The following ARHGAP32 variants were observed in gnomAD, a reference collection of about 807,000 sequenced individuals.
ARHGAP32 encodes rho GTPase-activating protein 32.
ARHGAP32 carries 51 observed loss-of-function variants against 186.5 expected under a neutral mutation model. That is an observed-to-expected ratio of 0.27 (90% CI 0.22 to 0.35). The LOEUF is 0.35. ARHGAP32 is among the 10% of genes least tolerant of loss of function. The probability of loss-of-function intolerance (pLI) is 1.00; values close to 1 mark genes in which losing one functional copy is unlikely to be tolerated. For synonymous variants in ARHGAP32, 950 were observed against 964.3 expected, an observed-to-expected ratio of 0.99 and a Z score of 0.27; for missense variants, 2,186 against 2,623.5, an observed-to-expected ratio of 0.83 and a Z score of 3.64.
At chr11:129,137,229 T>TA (rs952106895) in intron 2 of ARHGAP32, among the ~76,000 whole-genome samples, 1 of 151,380 alleles carries the variant, frequency 6.6e-6, no homozygotes, top group African/African-American at 2.4e-5. Flanking sequence ...TTCTTACACT[T>TA]AAAAAAAATG....
At position 129,221,747 on chromosome 11, in the gene ARHGAP32, G is replaced by A. The variant is rs147732124; in HGVS notation, c.-4-57320C>T. Among the ~76,000 whole-genome samples the A allele has an allele frequency of 2.8e-3, 430 of 152,066 alleles. 1 individual carries two copies. The highest frequency in any genetic ancestry group is 0.014 in the Admixed American group (210 of 15,256). On this transcript the variant is annotated intron_variant, in intron 1 of 6. Coordinates refer to the ARHGAP32 transcript ENST00000525234. ...ATAGTGGGCAAGGGCAGGAGGTCCAGGCTGCTGTGGGCTATGATCACACCC... is the reference window on the plus strand; with the variant it reads ...ATAGTGGGCAAGGGCAGGAGGTCCAAGCTGCTGTGGGCTATGATCACACCC...
intron 11 of ARHGAP32, among the ~76,000 whole-genome samples, chr11:129,039,861 C>T (rs755797485): frequency 6.6e-6 from 1 of 152,110 alleles, no homozygotes; most frequent in South Asian, 2.1e-4. Flanking sequence ...GATAAAATTG[C>T]TTCAAAAAGA....
intron 1 of ARHGAP32, among the ~76,000 whole-genome samples, chr11:129,188,653 G>T (rs909376050): frequency 2.0e-5 from 3 of 152,156 alleles, no homozygotes; most frequent in African/African-American, 7.2e-5. Flanking sequence ...AGTGCATGAA[G>T]TATCATTAGT....
At position 129,163,247 on chromosome 11, in the gene ARHGAP32, A is replaced by G. The variant is rs529866865; in HGVS notation, c.225+1072T>C. Among the ~76,000 whole-genome samples the G allele has an allele frequency of 7.2e-5, 11 of 152,324 alleles. No individual in the cohort carries two copies. In the East Asian group the frequency reaches 1.9e-3, roughly 27 times the overall value. ...AATATCATTACAGATCAGCACTGAT[A>G]GATGAATGTTTCCATTTTATTTTGA... is the stretch of plus-strand genomic sequence containing the variant. On this transcript the variant is annotated intron_variant, in intron 2 of 22. Coordinates refer to ENST00000682385, the MANE Select transcript of ARHGAP32 (RefSeq NM_001378024.1).
chr11:128,992,701 T>C (rs112743880), intron 12 of ARHGAP32, among the ~76,000 whole-genome samples: 44 of 152,034 alleles, frequency 2.9e-4, no homozygotes, highest in African/African-American at 9.9e-4. Flanking sequence ...GCAGGAGAAT[T>C]GCTTGAACCT....
At chr11:129,087,661 T>C (rs111988263) in intron 6 of ARHGAP32, among the ~76,000 whole-genome samples, 1 of 152,218 alleles carries the variant, frequency 6.6e-6, no homozygotes, top group Non-Finnish European at 1.5e-5. Flanking sequence ...ATACTGGTGA[T>C]ACATGTCATT....
chr11:129,260,138 G>C (rs184399587), intron 1 of ARHGAP32, among the ~76,000 whole-genome samples: 1 of 152,108 alleles, frequency 6.6e-6, no homozygotes, highest in Non-Finnish European at 1.5e-5. Flanking sequence ...TCTGAGACCG[G>C]CATGAGCATT....
At chr11:128,991,882 G>C (rs1026644955) in intron 12 of ARHGAP32, among the ~76,000 whole-genome samples, 2 of 151,588 alleles carry the variant, frequency 1.3e-5, no homozygotes, top group African/African-American at 4.8e-5. Context: ...TTTTTTTCTT[G>C]ACAGTTTTGG....
intron 5 of ARHGAP32, among the ~76,000 whole-genome samples, chr11:129,113,916 C>T (rs868554924): frequency 1.3e-5 from 2 of 152,108 alleles, no homozygotes; most frequent in Admixed American, 6.6e-5. Flanking sequence ...TGCTACTTCT[C>T]CTCCTTTCCA....
At chr11:128,989,882 A>T (rs1945998048) in intron 12 of ARHGAP32, among the ~76,000 whole-genome samples, 1 of 152,144 alleles carries the variant, frequency 6.6e-6, no homozygotes, top group African/African-American at 2.4e-5. Flanking sequence ...CCTGCAAAGG[A>T]CATGAACTCA....
At position 128,969,081 on chromosome 11, in the gene ARHGAP32, G is replaced by GT; in HGVS notation, c.6131dup (p.His2044GlnfsTer52). On this transcript the variant is annotated frameshift_variant, in exon 23 of 23. Coordinates refer to ENST00000682385, the MANE Select transcript of ARHGAP32 (RefSeq NM_001378024.1). LOFTEE classifies it high-confidence loss of function. This position sits in a 1 kb window ranked among gnomAD's most constrained non-coding sequence, Gnocchi z 4.8. ...CTCCTCGCTGGTGCTGAGGCAGGGA[G>GT]TGGTAATCTTCCAGGTTATCATACT... The GT allele has an allele frequency of 6.2e-7, 1 of 1,609,852 alleles. No individual in the cohort carries two copies. Among genetic ancestry groups the GT allele is most frequent in the Non-Finnish European group, 8.5e-7 (1 of 1,177,198 alleles).
intron 11 of ARHGAP32, among the ~76,000 whole-genome samples, chr11:129,023,559 T>C (rs536730402): frequency 7.2e-5 from 11 of 152,244 alleles, no homozygotes; most frequent in African/African-American, 2.6e-4. Context: ...AACTAATGTA[T>C]AGAAAACAAG....
At chr11:129,044,394 G>A (rs1175946701) in intron 10 of ARHGAP32, among the ~76,000 whole-genome samples, 1 of 152,200 alleles carries the variant, frequency 6.6e-6, no homozygotes, top group African/African-American at 2.4e-5. Context: ...ATTTATGGCA[G>A]AGGTTGCAAA....
rs559642170 is a variant in ARHGAP32, at chr11:129,015,469, C to T, written c.1046-17001G>A. ...AGGTTTTTCAAATCTTAACATTGTG[C>T]CACATTATTTCCTCAGATTATTTTC... is the stretch of plus-strand genomic sequence containing the variant. On this transcript the variant is annotated intron_variant, in intron 11 of 22. Coordinates refer to ENST00000682385, the MANE Select transcript of ARHGAP32 (RefSeq NM_001378024.1). Among the ~76,000 whole-genome samples, 13 of 152,228 alleles carry T rather than the reference C, an allele frequency of 8.5e-5. No homozygotes were observed. In the South Asian group the frequency reaches 2.7e-3, roughly 32 times the overall value.
intron 5 of ARHGAP32, among the ~76,000 whole-genome samples, chr11:129,097,273 G>C (rs1941756883): frequency 6.6e-6 from 1 of 152,096 alleles, no homozygotes; most frequent in Non-Finnish European, 1.5e-5. Context: ...AGTCCAGCTT[G>C]AGCAACATAG....
chr11:129,236,861 T>C (rs1944943769), intron 1 of ARHGAP32, among the ~76,000 whole-genome samples: 1 of 152,226 alleles, frequency 6.6e-6, no homozygotes, highest in Non-Finnish European at 1.5e-5. Flanking sequence ...CATTTCCCCA[T>C]TCAGTATAAT....
chr11:128,986,034 C>T lies in ARHGAP32; in HGVS notation c.1495G>A (p.Val499Ile). 6.2e-7 allele frequency: 1 copy of T among 1,607,920 alleles called. No homozygotes were observed. Among genetic ancestry groups the T allele is most frequent in the Non-Finnish European group, 8.5e-7 (1 of 1,178,126 alleles). ...DEERLIKIHD[V>I]IQQLPPPHYR... ...TGTGGTGGGGGGAGCTGCTGGATGA[C>T]ATCGTGGATTTTTATCAGCCTTTCT... is the stretch of plus-strand genomic sequence containing the variant. Residue 499 changes from valine (V) to isoleucine (I), a missense_variant, in exon 15 of 23, where the codon GTC becomes ATC. This residue lies in a region of ARHGAP32 where 308 missense variants were observed against 596.5 expected (regional missense o/e 0.52). Coordinates refer to ENST00000682385, the MANE Select transcript of ARHGAP32 (RefSeq NM_001378024.1).
At chr11:128,972,402 A>G in intron 22 of ARHGAP32, 51 bp downstream of exon 22, 1 of 1,486,194 alleles carries the variant, frequency 6.7e-7, no homozygotes, top group Non-Finnish European at 9.0e-7. Context: ...GAAAAGTGAC[A>G]TACCTTTGGT....
chr11:129,052,555 T>G (rs564680026), intron 10 of ARHGAP32, among the ~76,000 whole-genome samples: 1 of 152,226 alleles, frequency 6.6e-6, no homozygotes, highest in East Asian at 1.9e-4. Context: ...GGATCTTCTT[T>G]AATGTCTCTT....
Sources: gnomAD v4.1 joint callset for allele counts (sites outside exome capture counted in the v4.1 genomes callset) on GRCh38, gnomAD v4.1.1 for gene constraint, gnomAD v4.1.1 regional missense constraint, Gnocchi (gnomAD v3.1) non-coding constraint, MANE v1.5 for transcripts, NCBI Gene and HGNC (gene_info 2026-07-23, HGNC 2026-07-21) for gene names.